Variants in MPP7 observed in about 807,000 individuals in gnomAD.
MPP7 encodes the protein MAGUK p55 scaffold protein 7, also known as MAGUK p55 subfamily member 7.
In MPP7, 60 loss-of-function variants were observed where a neutral mutation model predicts 76.5. That is an observed-to-expected ratio of 0.78 (90% CI 0.64 to 0.97). The LOEUF (loss-of-function observed/expected upper bound fraction) is 0.97, where lower values mean the gene tolerates loss of function less well. MPP7 is among the 50% of genes least tolerant of loss of function. MPP7 has a pLI of 0.00. For missense variants in MPP7, 641 were observed against 694.0 expected, an observed-to-expected ratio of 0.92 and a Z score of 0.86; for synonymous variants, 237 against 244.5, an observed-to-expected ratio of 0.97 and a Z score of 0.29.
chr10:28,227,678 C>T (rs1003637949), intron 2 of MPP7, among the ~76,000 whole-genome samples: 3 of 152,162 alleles, frequency 2.0e-5, no homozygotes, highest in African/African-American at 7.2e-5. Context: ...GCACAGTATT[C>T]CATGGTGTAT....
upstream of MPP7, among the ~76,000 whole-genome samples, chr10:28,304,510 C>T (rs566501952): frequency 6.6e-6 from 1 of 152,240 alleles, no homozygotes; most frequent in Non-Finnish European, 1.5e-5. Flanking sequence ...CTCTTACTTC[C>T]TGAGAATAAA....
At chr10:28,287,904 C>A (rs1025256022) in intron 1 of MPP7, among the ~76,000 whole-genome samples, 2 of 151,930 alleles carry the variant, frequency 1.3e-5, no homozygotes, top group African/African-American at 4.8e-5. Context: ...GATTCCACAC[C>A]GCAAATAAGC....
intron 1 of MPP7, among the ~76,000 whole-genome samples, chr10:28,301,476 G>A (rs1148175): frequency 0.6 from 91,540 of 152,008 alleles, 27,882 homozygotes; most frequent in Middle Eastern, 0.68. Flanking sequence ...GAAAAACCTC[G>A]CAGATAATAT....
At chr10:28,194,554 T>C (rs1837518223) in intron 3 of MPP7, among the ~76,000 whole-genome samples, 1 of 152,198 alleles carries the variant, frequency 6.6e-6, no homozygotes, top group Non-Finnish European at 1.5e-5. Context: ...AGTAAAGAAA[T>C]GGGCTATGTT....
intron 2 of MPP7, among the ~76,000 whole-genome samples, chr10:28,210,122 CA>C (rs1301122111): frequency 6.6e-6 from 1 of 152,174 alleles, no homozygotes; most frequent in African/African-American, 2.4e-5. Context: ...TCTTGGCTCT[CA>C]GGCCTTCAGA....
intron 13 of MPP7, among the ~76,000 whole-genome samples, chr10:28,066,963 G>A (rs1336127959): frequency 6.6e-6 from 1 of 152,136 alleles, no homozygotes; most frequent in African/African-American, 2.4e-5. Flanking sequence ...AAGCATTTGA[G>A]TAGTTTCCAG....
rs1377767473 is a variant in MPP7, at chr10:28,121,810, T to TG, written c.616-1143_616-1142insC. Among the ~76,000 whole-genome samples, 25 of 141,012 alleles carry TG rather than the reference T, an allele frequency of 1.8e-4. No individual in the cohort carries two copies. The Admixed American group carries it at 1.8e-3, about 10-fold the overall frequency. 92.5% of individuals were successfully genotyped at this position (141,012 alleles called of 152,430 possible). The stretch of plus-strand genomic sequence containing the variant: ...CACTGGTAAACCAGGACTCCATTTA[T>TG]TTAAAAAAAAAAAAAGGCTCTGATG... On this transcript the variant is annotated intron_variant, in intron 8 of 16. Coordinates refer to ENST00000683449, the MANE Select transcript of MPP7 (RefSeq NM_001318170.2).
intron 3 of MPP7, among the ~76,000 whole-genome samples, chr10:28,183,205 A>C (rs1837116643): frequency 6.6e-6 from 1 of 152,244 alleles, no homozygotes; most frequent in African/African-American, 2.4e-5. Context: ...CTCAAGATGA[A>C]GGTTATCACT....
In MPP7 at chr10:28,059,748, G is replaced by C. The variant is rs751186632; in HGVS notation, c.1205-5C>G. Reference sequence around the variant, plus strand: ...TTCTTCTTGCTCTGGTGGTATCTATGATTTAATGAAAAGGAGTTTAGAAAA... The same window carrying C: ...TTCTTCTTGCTCTGGTGGTATCTATCATTTAATGAAAAGGAGTTTAGAAAA... On this transcript the variant is annotated splice_polypyrimidine_tract_variant and splice_region_variant and intron_variant, in intron 13 of 16. Transcript: ENST00000683449. 1.2e-6 allele frequency: 2 copies of C among 1,601,900 alleles called. No homozygotes were observed. Among genetic ancestry groups the C allele is most frequent in the East Asian group, 4.5e-5 (2 of 44,660 alleles).
At chr10:28,204,700 G>A (rs914822096) in intron 2 of MPP7, among the ~76,000 whole-genome samples, 2 of 152,138 alleles carry the variant, frequency 1.3e-5, no homozygotes, top group Admixed American at 6.6e-5. Context: ...TGGCAAACAC[G>A]GTTGTTGTAA....
chr10:28,166,401 T>C (rs935032302), intron 3 of MPP7, among the ~76,000 whole-genome samples: 3 of 69,910 alleles, frequency 4.3e-5, no homozygotes, highest in African/African-American at 2.1e-4. Flanking sequence ...TACCTTTTAA[T>C]TTTTTTTTTT....
intron 11 of MPP7, among the ~76,000 whole-genome samples, chr10:28,111,092 A>G (rs941021342): frequency 1.3e-5 from 2 of 152,148 alleles, no homozygotes. Context: ...ATGCAGGGTA[A>G]CTTATTATAC....
At position 28,262,232 on chromosome 10, in the gene MPP7, TATATATATATAC is replaced by T. The variant is rs1564741453; in HGVS notation, c.-131-23509_-131-23498del. Among the ~76,000 whole-genome samples the T allele has an allele frequency of 8.7e-5, 7 of 80,526 alleles. 1 individual carries two copies. Among genetic ancestry groups the T allele is most frequent in the African/African-American group, 3.7e-4 (6 of 16,174 alleles). 52.8% of individuals were successfully genotyped at this position (80,526 alleles called of 152,430 possible). ...ACATATATATATATATATACATATA[TATATATATATAC>T]ATATATATATATATGTATATATATA... On this transcript the variant is annotated intron_variant, in intron 1 of 16. Transcript: ENST00000683449.
intron 1 of MPP7, among the ~76,000 whole-genome samples, chr10:28,301,568 G>A (rs193209509): frequency 4.6e-5 from 7 of 152,238 alleles, no homozygotes; most frequent in Admixed American, 6.5e-5. Context: ...GCTTGATGGC[G>A]GGAATCTTAC....
intron 6 of MPP7, among the ~76,000 whole-genome samples, chr10:28,130,869 T>A (rs1835170102): frequency 6.6e-6 from 1 of 152,212 alleles, no homozygotes; most frequent in Middle Eastern, 3.4e-3. Flanking sequence ...ATGAGAAAAA[T>A]TTCAAGACAA....
At chr10:28,133,776 TGGC>T (rs2133691640) in intron 5 of MPP7, among the ~76,000 whole-genome samples, 1 of 152,272 alleles carries the variant, frequency 6.6e-6, no homozygotes, top group Non-Finnish European at 1.5e-5. Context: ...CCCCCCAAAG[TGGC>T]GATCTTTCCC....
rs764696318 is a variant in MPP7 at position 28,278,851 on chromosome 10, G to A, written c.-132+24010C>T. 3.4e-5 allele frequency among the ~76,000 whole-genome samples: 5 copies of A among 147,298 alleles called. No homozygotes were observed. In the East Asian group the frequency reaches 7.9e-4, roughly 23 times the overall value. ...TCTGAAAAAAAAAAAACACCAAAAT[G>A]TTAATGGAGGTAAAGGTCATTTATT... On this transcript the variant is annotated intron_variant, in intron 1 of 16. Transcript: ENST00000683449.
intron 11 of MPP7, among the ~76,000 whole-genome samples, chr10:28,104,866 C>T (rs899486695): frequency 1.3e-5 from 2 of 151,986 alleles, no homozygotes; most frequent in Non-Finnish European, 2.9e-5. Flanking sequence ...GTCTCTTGCA[C>T]ACATTAGAAT....
chr10:28,235,659 A>G (rs73608078), intron 2 of MPP7, among the ~76,000 whole-genome samples: 2,382 of 152,310 alleles, frequency 0.016, 70 homozygotes, highest in African/African-American at 0.052. Context: ...GTGTAAAAAC[A>G]AATCTTTAAG....
Sources: gnomAD v4.1 joint callset for allele counts (sites outside exome capture counted in the v4.1 genomes callset) on GRCh38, gnomAD v4.1.1 for gene constraint, MANE v1.5 for transcripts, NCBI Gene and HGNC (gene_info 2026-07-23, HGNC 2026-07-21) for gene names.